FAM227B: variants seen among roughly 807,000 people sequenced by gnomAD.
FAM227B encodes family with sequence similarity 227 member B, also known as protein FAM227B.
In FAM227B, 88 loss-of-function variants were observed where a neutral mutation model predicts 73.8. The ratio of observed to expected loss-of-function variants is 1.19; its 90% confidence interval spans 1.00 to 1.42. The LOEUF (loss-of-function observed/expected upper bound fraction) is 1.42. Ranked by LOEUF, FAM227B falls within the 40% of genes most tolerant of loss-of-function variation. FAM227B has a pLI of 0.00. For synonymous variants in FAM227B, 210 were observed against 190.5 expected, an observed-to-expected ratio of 1.10 and a Z score of -0.84; for missense variants, 632 against 590.9, an observed-to-expected ratio of 1.07 and a Z score of -0.72.
At chr15:49,604,974 CTT>C (rs1232945637) in intron 3 of FAM227B, among the ~76,000 whole-genome samples, 5 of 151,960 alleles carry the variant, frequency 3.3e-5, no homozygotes, top group Non-Finnish European at 7.4e-5. Flanking sequence ...TTTGTGTTCT[CTT>C]GTTTACTAAG....
chr15:49,533,630 C>T (rs541761386), intron 10 of FAM227B, among the ~76,000 whole-genome samples: 2 of 151,816 alleles, frequency 1.3e-5, no homozygotes, highest in African/African-American at 4.8e-5. Context: ...TGAATAACCT[C>T]TTTGTCTCCT....
At position 49,367,593 on chromosome 15, in the gene FAM227B, T is replaced by TACTA. The variant is rs532275129; in HGVS notation, c.1122_1125dup (p.Thr376Ter). The TACTA allele has an allele frequency of 4.0e-4, 632 of 1,588,660 alleles. No homozygotes were observed. Among genetic ancestry groups the TACTA allele is most frequent in the Non-Finnish European group, 5.2e-4 (615 of 1,173,950 alleles). The stretch of plus-strand genomic sequence containing the variant: ...AGAACACGATTAAACTCTGGACCAG[T>TACTA]ACTACTATAGTGCGACTGTAAGAGG... On this transcript the variant is annotated stop_gained and frameshift_variant, in exon 13 of 16. Coordinates refer to ENST00000299338, the MANE Select transcript of FAM227B (RefSeq NM_152647.3). LOFTEE classifies it high-confidence loss of function.
At chr15:49,582,399 T>C (rs1305903964) in intron 5 of FAM227B, among the ~76,000 whole-genome samples, 1 of 152,100 alleles carries the variant, frequency 6.6e-6, no homozygotes, top group Non-Finnish European at 1.5e-5. Context: ...TACATAATGG[T>C]AAAAGACTCA....
At chr15:49,352,960 G>C (rs1182605478) in intron 13 of FAM227B, among the ~76,000 whole-genome samples, 2 of 152,130 alleles carry the variant, frequency 1.3e-5, no homozygotes, top group South Asian at 4.1e-4. Context: ...GCTTTGCTTG[G>C]TCAACAGGTT....
At chr15:49,499,889 C>T (rs1440483349) in intron 11 of FAM227B, among the ~76,000 whole-genome samples, 1 of 152,086 alleles carries the variant, frequency 6.6e-6, no homozygotes, top group Non-Finnish European at 1.5e-5. Context: ...AGAGCTACAA[C>T]TCTGAACTAT....
At chr15:49,347,839 T>C (rs1177483156) in intron 13 of FAM227B, among the ~76,000 whole-genome samples, 1 of 152,014 alleles carries the variant, frequency 6.6e-6, no homozygotes, top group African/African-American at 2.4e-5. Flanking sequence ...GCCAACATGG[T>C]GAAACCCCGT....
At chr15:49,423,253 C>G (rs1398169361) in intron 11 of FAM227B, 1 of 152,456 alleles carries the variant, frequency 6.6e-6, no homozygotes, top group African/African-American at 2.4e-5. Flanking sequence ...CACACACACA[C>G]AAGCACACAC....
Position 49,339,033 on chromosome 15 carries a change from C to T in FAM227B, c.1272-3537G>A, listed in dbSNP as rs570393594. ...TATCCTAGTTAGCAATTCATCTAACCTTTTTTCAAGGTTCTTAGCTTGCTT... is the reference window on the plus strand; with the variant it reads ...TATCCTAGTTAGCAATTCATCTAACTTTTTTTCAAGGTTCTTAGCTTGCTT... On this transcript the variant is annotated intron_variant, in intron 13 of 15. Coordinates refer to ENST00000299338, the MANE Select transcript of FAM227B (RefSeq NM_152647.3). Among the ~76,000 whole-genome samples, 9 of 152,196 alleles carry T rather than the reference C, an allele frequency of 5.9e-5. No individual in the cohort carries two copies. In the East Asian group the frequency reaches 1.7e-3, roughly 29 times the overall value.
intron 9 of FAM227B, among the ~76,000 whole-genome samples, chr15:49,551,108 C>T (rs533323328): frequency 4.4e-4 from 67 of 152,336 alleles, no homozygotes; most frequent in Non-Finnish European, 7.5e-4. Flanking sequence ...AGCGAAACCC[C>T]GTCTCCACCA....
intron 15 of FAM227B, chr15:49,329,679 C>G: frequency 1.0e-6 from 1 of 980,388 alleles, no homozygotes; most frequent in Non-Finnish European, 1.2e-6. Flanking sequence ...ATTTTGAGTT[C>G]TATAAATCCA....
intron 13 of FAM227B, among the ~76,000 whole-genome samples, chr15:49,349,698 CTT>C (rs1053586760): frequency 1.3e-5 from 2 of 152,058 alleles, no homozygotes; most frequent in Non-Finnish European, 2.9e-5. Flanking sequence ...CAATTGCAGA[CTT>C]TTATACAGAG....
chr15:49,579,322 G>A (rs1264837665), intron 5 of FAM227B, among the ~76,000 whole-genome samples: 3 of 152,116 alleles, frequency 2.0e-5, no homozygotes, highest in Non-Finnish European at 4.4e-5. Context: ...CCAAAAGAAA[G>A]GAAATCAAAG....
At chr15:49,405,093 G>A (rs2048425562) in intron 11 of FAM227B, among the ~76,000 whole-genome samples, 1 of 152,150 alleles carries the variant, frequency 6.6e-6, no homozygotes, top group Non-Finnish European at 1.5e-5. Context: ...ATCTCTTCTG[G>A]CTTGTAGGGT....
At chr15:49,504,688 T>C (rs568339689) in intron 11 of FAM227B, among the ~76,000 whole-genome samples, 47 of 152,294 alleles carry the variant, frequency 3.1e-4, no homozygotes, top group African/African-American at 1.1e-3. Context: ...TGCTCCCCCT[T>C]TGCTTTCTGC....
In FAM227B at chr15:49,500,168, G is replaced by T. The variant is rs982155007; in HGVS notation, c.1012+8043C>A. On this transcript the variant is annotated intron_variant, in intron 11 of 15. Coordinates refer to ENST00000299338, the MANE Select transcript of FAM227B (RefSeq NM_152647.3). ...TGCAGTGAATTATGATCATGGCACT[G>T]TATTCCAGCCTGGGTGACAGAACAA... Among the ~76,000 whole-genome samples the T allele has an allele frequency of 2.0e-5, 3 of 152,194 alleles. 1 individual carries two copies. The highest frequency in any genetic ancestry group is 7.2e-5 in the African/African-American group (3 of 41,446).
intron 11 of FAM227B, among the ~76,000 whole-genome samples, chr15:49,412,622 T>C (rs2048945303): frequency 1.3e-5 from 2 of 152,082 alleles, no homozygotes; most frequent in Non-Finnish European, 2.9e-5. Context: ...TTTTAGGTTT[T>C]CACAATAACG....
chr15:49,414,617 A>G (rs1189515579), intron 11 of FAM227B, among the ~76,000 whole-genome samples: 2 of 152,162 alleles, frequency 1.3e-5, no homozygotes, highest in African/African-American at 4.8e-5. Context: ...TAATCTCATA[A>G]CAACATTTAA....
intron 3 of FAM227B, among the ~76,000 whole-genome samples, chr15:49,593,092 A>G (rs1567661618): frequency 6.6e-6 from 1 of 152,158 alleles, no homozygotes; most frequent in South Asian, 2.1e-4. Flanking sequence ...ACAGTCTGTC[A>G]CGGCTTCCCT....
chr15:49,415,834 A>G (rs2049176028), intron 11 of FAM227B, among the ~76,000 whole-genome samples: 1 of 152,172 alleles, frequency 6.6e-6, no homozygotes, highest in Non-Finnish European at 1.5e-5. Context: ...GCCAAGGGTA[A>G]GCACAAGTTT....
Sources: gnomAD v4.1 joint callset for allele counts (sites outside exome capture counted in the v4.1 genomes callset) on GRCh38, gnomAD v4.1.1 for gene constraint, MANE v1.5 for transcripts, NCBI Gene and HGNC (gene_info 2026-07-23, HGNC 2026-07-21) for gene names.